The following KLF13 variants were observed in gnomAD, a reference collection of about 807,000 sequenced individuals.
KLF13 encodes KLF transcription factor 13.
In KLF13, 8 loss-of-function variants were observed where a neutral mutation model predicts 16.7. The ratio of observed to expected loss-of-function variants is 0.48; its 90% confidence interval spans 0.28 to 0.87. The LOEUF (loss-of-function observed/expected upper bound fraction) is 0.87. KLF13 is among the 40% of genes least tolerant of loss of function. The pLI is 0.10. For missense variants in KLF13, 447 were observed against 452.2 expected, an observed-to-expected ratio of 0.99 and a Z score of 0.10; for synonymous variants, 245 against 208.4, an observed-to-expected ratio of 1.18 and a Z score of -1.51.
chr15:31,371,408 T>A (rs1430592519), intron 1 of KLF13, among the ~76,000 whole-genome samples: 4 of 152,232 alleles, frequency 2.6e-5, no homozygotes, highest in Non-Finnish European at 4.4e-5. Flanking sequence ...CTGCCAGCCG[T>A]CCCTGGTTGG....
chr15:31,348,469 C>T (rs2039162073), intron 1 of KLF13, among the ~76,000 whole-genome samples: 1 of 152,176 alleles, frequency 6.6e-6, no homozygotes, highest in Non-Finnish European at 1.5e-5. Context: ...TTAAGTGGCA[C>T]CCACAGTTTT....
In KLF13 at chr15:31,375,325, AC is replaced by A. The variant is rs2039625355; in HGVS notation, c.*3029del. 1 of 152,272 alleles carries A rather than the reference AC, an allele frequency of 6.6e-6. No individual in the cohort carries two copies. The highest frequency in any genetic ancestry group is 1.9e-4 in the East Asian group (1 of 5,174). The allele number at this position is 152,272 out of a possible 1,614,324, so 9.4% of individuals were successfully genotyped here. On this transcript the variant is annotated 3_prime_UTR_variant, in exon 2 of 2. Transcript: ENST00000307145. ...CCACTGAGGCGGGCACACAAGGCGGACCCTCCTGAAACAGCCTCCATTTTCT... is the reference window on the plus strand; with the variant it reads ...CCACTGAGGCGGGCACACAAGGCGGACCTCCTGAAACAGCCTCCATTTTCT...
At chr15:31,369,495 A>G (rs541754803) in intron 1 of KLF13, among the ~76,000 whole-genome samples, 4 of 152,162 alleles carry the variant, frequency 2.6e-5, no homozygotes, top group South Asian at 2.1e-4. Context: ...TTGAACCACA[A>G]TTTTTTTGTA....
intron 1 of KLF13, among the ~76,000 whole-genome samples, chr15:31,417,074 C>T (rs1327054153): frequency 1.3e-5 from 2 of 152,150 alleles, no homozygotes; most frequent in East Asian, 1.9e-4. Flanking sequence ...CCCCCTTCTC[C>T]CTCTCTCATC....
downstream of KLF13, among the ~76,000 whole-genome samples, chr15:31,379,557 G>A (rs1043766607): frequency 6.6e-6 from 1 of 152,194 alleles, no homozygotes; most frequent in Non-Finnish European, 1.5e-5. Context: ...TCCCAGGAAT[G>A]AGGGGTCTCC....
At chr15:31,411,024 G>A (rs1050639168) in intron 1 of KLF13, among the ~76,000 whole-genome samples, 1 of 152,280 alleles carries the variant, frequency 6.6e-6, no homozygotes, top group East Asian at 1.9e-4. Flanking sequence ...TGATTTTATG[G>A]TTAAAAGCTT....
At chr15:31,349,611 C>T (rs1340243251) in intron 1 of KLF13, among the ~76,000 whole-genome samples, 2 of 152,222 alleles carry the variant, frequency 1.3e-5, no homozygotes, top group Non-Finnish European at 2.9e-5. Flanking sequence ...AAGGGCAGTG[C>T]TGTGTTCTTA....
rs564634201 is a variant in KLF13 at position 31,333,198 on chromosome 15, T to C, written c.577+5409T>C. On this transcript the variant is annotated intron_variant, in intron 1 of 1. Coordinates refer to ENST00000307145, the MANE Select transcript of KLF13 (RefSeq NM_015995.4). The stretch of plus-strand genomic sequence containing the variant: ...GGACCCTATGAAGTAGGCTCTATTA[T>C]TAATACTAAATTTCAAATAAGGAAG... Among the ~76,000 whole-genome samples, 3 of 152,294 alleles carry C rather than the reference T, an allele frequency of 2.0e-5. No homozygotes were observed. In the East Asian group the frequency reaches 5.8e-4, roughly 29 times the overall value.
intron 2 of KLF13, among the ~76,000 whole-genome samples, chr15:31,402,945 C>G (rs1484477756): frequency 3.9e-5 from 6 of 152,142 alleles, no homozygotes; most frequent in Non-Finnish European, 8.8e-5. Context: ...TCGTAAGCAG[C>G]CTCGCTATCC....
chr15:31,353,829 G>A lies in KLF13; in HGVS notation c.578-18181G>A, dbSNP rs1330858445. 3.9e-5 allele frequency among the ~76,000 whole-genome samples: 6 copies of A among 151,914 alleles called. No homozygotes were observed. The South Asian group carries it at 1.0e-3, about 26-fold the overall frequency. On this transcript the variant is annotated intron_variant, in intron 1 of 1. Transcript: ENST00000307145. ...CCCCACACCCTTCCCCTCTCTCACC[G>A]AGGACTCTATACTGCAGGCATGGGC... is the stretch of plus-strand genomic sequence containing the variant.
intron 1 of KLF13, among the ~76,000 whole-genome samples, chr15:31,347,503 G>T (rs1400243617): frequency 6.6e-6 from 1 of 152,184 alleles, no homozygotes; most frequent in Non-Finnish European, 1.5e-5. Context: ...GCCCCACCTT[G>T]ACTGTGGTGA....
At chr15:31,347,325 A>C (rs1174003799) in intron 1 of KLF13, among the ~76,000 whole-genome samples, 3 of 152,146 alleles carry the variant, frequency 2.0e-5, no homozygotes, top group Non-Finnish European at 4.4e-5. Context: ...GTGGTGGGGA[A>C]GGGGAGCTGT....
intron 1 of KLF13, among the ~76,000 whole-genome samples, chr15:31,344,350 C>T (rs960569955): frequency 2.0e-5 from 3 of 152,246 alleles, no homozygotes; most frequent in African/African-American, 4.8e-5. Context: ...TAAGCCAGGG[C>T]GTGCTCTGAA....
At chr15:31,421,887 G>T (rs2040329925) in intron 1 of KLF13, among the ~76,000 whole-genome samples, 2 of 152,278 alleles carry the variant, frequency 1.3e-5, no homozygotes, top group African/African-American at 4.8e-5. Flanking sequence ...GCCAGGACGG[G>T]CAGATCACCT....
chr15:31,419,901 C>G (rs980496885), intron 1 of KLF13, among the ~76,000 whole-genome samples: 26 of 152,110 alleles, frequency 1.7e-4, no homozygotes, highest in African/African-American at 5.8e-4. Context: ...TTTGATGTAT[C>G]AGAAGTCAAG....
intron 1 of KLF13, among the ~76,000 whole-genome samples, chr15:31,415,003 A>G (rs149041662): frequency 2.8e-4 from 43 of 152,324 alleles, no homozygotes; most frequent in Non-Finnish European, 5.3e-4. Context: ...CTATCCTCAT[A>G]TTAATGACTG....
At chr15:31,398,011 T>C (rs1026118484) in intron 2 of KLF13, among the ~76,000 whole-genome samples, 1 of 152,180 alleles carries the variant, frequency 6.6e-6, no homozygotes. Context: ...CCTGAGTTTA[T>C]CTTGGGTTTT....
chr15:31,429,437 G>A (rs1339970004), intron 1 of KLF13, among the ~76,000 whole-genome samples: 1 of 152,114 alleles, frequency 6.6e-6, no homozygotes, highest in Non-Finnish European at 1.5e-5. Context: ...TGGAAGAGGG[G>A]GGAATAGTGA....
intron 1 of KLF13, among the ~76,000 whole-genome samples, chr15:31,420,860 T>G (rs1343936963): frequency 6.6e-6 from 1 of 151,956 alleles, no homozygotes; most frequent in Non-Finnish European, 1.5e-5. Flanking sequence ...GCCCGGCTAA[T>G]TTTGATATTT....
Sources: allele counts gnomAD v4.1 joint callset (sites outside exome capture counted in the v4.1 genomes callset), GRCh38; gene constraint gnomAD v4.1.1; transcripts MANE v1.5; gene names NCBI Gene and HGNC (gene_info 2026-07-23, HGNC 2026-07-21).